The following ZP3 variants were observed in gnomAD, a reference collection of about 807,000 sequenced individuals.
ZP3 encodes zona pellucida glycoprotein 3, also known as zona pellucida sperm-binding protein 3.
Under a neutral mutation model 35.6 loss-of-function variants are expected in ZP3, and 21 were observed. The ratio of observed to expected loss-of-function variants is 0.59; its 90% CI spans 0.42 to 0.85. The LOEUF is 0.85. Ranked by LOEUF, ZP3 falls within the 40% of genes least tolerant of loss-of-function variation. The probability of loss-of-function intolerance (pLI) is 0.00; values close to 1 mark genes in which losing one functional copy is unlikely to be tolerated. For synonymous variants in ZP3, 207 were observed against 214.5 expected (o/e 0.96, Z 0.31); for missense variants, 437 against 536.5 (o/e 0.81, Z 1.83).
intron 1 of ZP3, chr7:76,398,773 G>T (rs761866520): frequency 6.8e-6 from 11 of 1,613,100 alleles, no homozygotes; most frequent in African/African-American, 1.3e-5. Context: ...CATCTTCCTT[G>T]TTGGGGGCTG....
At chr7:76,402,831 C>T (rs546179168) in intron 1 of ZP3, among the ~76,000 whole-genome samples, 46 of 152,054 alleles carry the variant, frequency 3.0e-4, no homozygotes, top group Non-Finnish European at 5.4e-4. Flanking sequence ...CCATGCCTGG[C>T]TAATTTTGTA....
At chr7:76,417,219 G>A (rs1212303657) in intron 1 of ZP3, among the ~76,000 whole-genome samples, 4 of 151,754 alleles carry the variant, frequency 2.6e-5, no homozygotes, top group East Asian at 1.9e-4. Flanking sequence ...CACCATGCCC[G>A]GCTAATTTGT....
chr7:76,418,405 G>A (rs1323899618), intron 1 of ZP3, among the ~76,000 whole-genome samples: 1 of 151,598 alleles, frequency 6.6e-6, no homozygotes. Flanking sequence ...GCAAAAATTA[G>A]CCAGGCATGG....
chr7:76,416,821 T>TACACATATACATAC (rs1563692685), intron 1 of ZP3, among the ~76,000 whole-genome samples: 70 of 133,294 alleles, frequency 5.3e-4, no homozygotes, highest in Middle Eastern at 3.8e-3. Context: ...TCTCTCTATA[T>TACACATATACATAC]ATATATACAT....
At chr7:76,429,654 T>C (rs1257552452) in intron 2 of ZP3, 21 bp downstream of exon 2, 4 of 1,601,100 alleles carry the variant, frequency 2.5e-6, no homozygotes, top group African/African-American at 1.3e-5. Flanking sequence ...GACTGACTCA[T>C]GGCCCCTGGT....
chr7:76,419,395 A>C (rs995668189), intron 1 of ZP3, among the ~76,000 whole-genome samples: 8 of 152,192 alleles, frequency 5.3e-5, no homozygotes, highest in African/African-American at 1.9e-4. Context: ...CCAGATGGAT[A>C]ATAATTGACA....
intron 1 of ZP3, among the ~76,000 whole-genome samples, chr7:76,427,998 CCT>C (rs2115894609): frequency 6.6e-6 from 1 of 152,016 alleles, no homozygotes; most frequent in East Asian, 1.9e-4. Context: ...AAATAAGCTC[CCT>C]GAGATGAGAG....
intron 1 of ZP3, among the ~76,000 whole-genome samples, chr7:76,410,999 G>GAAAA (rs977138723): frequency 2.5e-5 from 2 of 80,284 alleles, no homozygotes. Flanking sequence ...CATCTCAAAA[G>GAAAA]AAAAAAAAAA....
At position 76,397,799 on chromosome 7, in the gene ZP3, T is replaced by A. The variant is rs753519158; in HGVS notation, c.-67+2T>A. 1 of 1,601,720 alleles carries A rather than the reference T, an allele frequency of 6.2e-7. No individual in the cohort carries two copies. Among genetic ancestry groups the A allele is most frequent in the Non-Finnish European group, 8.5e-7 (1 of 1,172,320 alleles). On this transcript the variant is annotated splice_donor_variant, in intron 1 of 8. Coordinates refer to the ZP3 transcript ENST00000336517. LOFTEE classifies it low-confidence loss of function (5UTR_SPLICE). ...GATCTCCACTCGGCCCTGACACAGG[T>A]TCGCGCCCCCTACCAGGCGTACGCT...
chr7:76,440,176 A>G, intron 5 of ZP3, 74 bp from the exon 6 acceptor site: 2 of 1,497,560 alleles, frequency 1.3e-6, no homozygotes, highest in African/African-American at 1.4e-5. Context: ...GTTGAGGGTT[A>G]TAAGAGAACT....
chr7:76,416,863 T>C (rs1187986416), intron 1 of ZP3, among the ~76,000 whole-genome samples: 4 of 148,152 alleles, frequency 2.7e-5, no homozygotes, highest in African/African-American at 1.0e-4. Context: ...TACATATATA[T>C]ACACACATAT....
chr7:76,421,048 GC>G (rs1469992956), upstream of ZP3, among the ~76,000 whole-genome samples: 1 of 151,576 alleles, frequency 6.6e-6, no homozygotes, highest in African/African-American at 2.4e-5. Context: ...TGATTCTCTT[GC>G]CTCAGCCTCC....
intron 1 of ZP3, among the ~76,000 whole-genome samples, chr7:76,407,176 G>T (rs6958621): frequency 6.6e-6 from 1 of 151,784 alleles, no homozygotes; most frequent in South Asian, 2.1e-4. Flanking sequence ...GACCTGGCTG[G>T]TCTGGAACTC....
chr7:76,405,874 T>TTTTC (rs1380428435), intron 1 of ZP3, among the ~76,000 whole-genome samples: 6 of 152,008 alleles, frequency 3.9e-5, no homozygotes, highest in Admixed American at 6.6e-5. Flanking sequence ...TTTGATTTTG[T>TTTTC]TTTCTTTCTT....
At chr7:76,397,957 G>T in intron 1 of ZP3, 1 of 1,004,710 alleles carries the variant, frequency 1.0e-6, no homozygotes, top group Non-Finnish European at 1.4e-6. Flanking sequence ...GCTGCCCAGG[G>T]TACCGCCTCC....
At chr7:76,439,130 T>TTAAAAA (rs1806114681) in intron 5 of ZP3, among the ~76,000 whole-genome samples, 2 of 56,244 alleles carry the variant, frequency 3.6e-5, no homozygotes, top group Non-Finnish European at 7.2e-5. Context: ...AGACTCCACC[T>TTAAAAA]CAAAAAAAAA....
At chr7:76,426,077 T>C (rs1217369468) in intron 1 of ZP3, among the ~76,000 whole-genome samples, 4 of 123,712 alleles carry the variant, frequency 3.2e-5, no homozygotes, top group Admixed American at 2.6e-4. Flanking sequence ...AGCGAGACTC[T>C]GGCTCAAAAA....
chr7:76,407,975 G>T (rs956887101), intron 1 of ZP3, among the ~76,000 whole-genome samples: 1 of 152,184 alleles, frequency 6.6e-6, no homozygotes, highest in Non-Finnish European at 1.5e-5. Context: ...GGAGAGATGC[G>T]AAGGATATGT....
At chr7:76,398,914 A>C in intron 1 of ZP3, 2 of 1,008,420 alleles carry the variant, frequency 2.0e-6, no homozygotes, top group Non-Finnish European at 3.0e-6. Context: ...GCCTCTGGCC[A>C]CACAAAGAGT....
Sources: gnomAD v4.1 joint callset for allele counts (sites outside exome capture counted in the v4.1 genomes callset) on GRCh38, gnomAD v4.1.1 for gene constraint, MANE v1.5 for transcripts, NCBI Gene and HGNC (gene_info 2026-07-23, HGNC 2026-07-21) for gene names.